Variants in SYCP2 observed in about 807,000 individuals in gnomAD.
SYCP2 encodes the protein synaptonemal complex protein 2.
Under a neutral mutation model 211.3 loss-of-function variants are expected in SYCP2, and 55 were observed. The observed-to-expected ratio is 0.26, with a 90% CI of 0.21 to 0.33. The LOEUF (loss-of-function observed/expected upper bound fraction) is 0.33, where lower values mean the gene tolerates loss of function less well. Ranked by LOEUF, SYCP2 falls within the 10% of genes least tolerant of loss-of-function variation. The pLI is 1.00. For synonymous variants in SYCP2, 570 were observed against 555.2 expected (o/e 1.03, Z -0.37); for missense variants, 1,731 against 1,752.0 (o/e 0.99, Z 0.21).
intron 5 of SYCP2, 152 bp from the exon 6 acceptor site, chr20:59,919,749 C>G (rs2145871562): frequency 2.0e-6 from 1 of 494,702 alleles, no homozygotes; most frequent in East Asian, 3.5e-5. Flanking sequence ...TTTTAAAGAT[C>G]TTCCTTGTTT....
At position 59,921,468 on chromosome 20, in the gene SYCP2, T is replaced by A. The variant is rs762582104; in HGVS notation, c.25-15A>T. On this transcript the variant is annotated splice_polypyrimidine_tract_variant and intron_variant, in intron 3 of 44. Coordinates refer to ENST00000357552, the MANE Select transcript of SYCP2 (RefSeq NM_014258.4). Reference sequence around the variant, plus strand: ...TTTTCCAACTGCTAGAGAAATATATTTAATGGCACATACTGTATCAAAACC... The same window carrying A: ...TTTTCCAACTGCTAGAGAAATATATATAATGGCACATACTGTATCAAAACC... The A allele has an allele frequency of 2.5e-6, 4 of 1,589,226 alleles. No homozygotes were observed. The Admixed American group carries it at 7.0e-5, about 28-fold the overall frequency.
At chr20:59,864,519 T>C (rs2145571927) in intron 44 of SYCP2, 131 bp from the exon 45 acceptor site, 2 of 628,898 alleles carry the variant, frequency 3.2e-6, no homozygotes, top group Non-Finnish European at 5.6e-6. Flanking sequence ...CATGAAGATA[T>C]TGCATTCTAA....
chr20:59,890,863 A>G (rs898326528), intron 24 of SYCP2, among the ~76,000 whole-genome samples: 2 of 151,968 alleles, frequency 1.3e-5, no homozygotes, highest in African/African-American at 2.4e-5. Flanking sequence ...GTTCGGACAA[A>G]AAGAACCTTA....
intron 15 of SYCP2, among the ~76,000 whole-genome samples, chr20:59,904,430 C>T (rs1453357833): frequency 3.3e-5 from 5 of 152,050 alleles, no homozygotes; most frequent in South Asian, 2.1e-4. Flanking sequence ...GATGGCCACA[C>T]CTGAGTAATA....
At chr20:59,876,751 A>G (rs2059568543) in intron 33 of SYCP2, among the ~76,000 whole-genome samples, 1 of 152,082 alleles carries the variant, frequency 6.6e-6, no homozygotes, top group Non-Finnish European at 1.5e-5. Flanking sequence ...CATTGTAAGC[A>G]CTACATATAT....
In SYCP2 at chr20:59,892,459, AAATT is replaced by A; in HGVS notation, c.1928-37_1928-34del. The A allele has an allele frequency of 4.1e-6, 6 of 1,454,370 alleles. 1 individual carries two copies. The highest frequency in any genetic ancestry group is 2.7e-5 in the South Asian group (2 of 73,528). The allele number at this position is 1,454,370 out of a possible 1,614,324, so 90.1% of individuals were successfully genotyped here. ...GGAAAATGAGAAATTAATTCTTTTT[AAATT>A]AATAAGTTGACATATGTAAAATTTG... On this transcript the variant is annotated intron_variant, in intron 23 of 44. Transcript: ENST00000357552.
rs1461780112 is a variant in SYCP2, at chr20:59,910,372, TTA to T, written c.972+1376_972+1377del. On this transcript the variant is annotated intron_variant, in intron 14 of 44. Coordinates refer to ENST00000357552, the MANE Select transcript of SYCP2 (RefSeq NM_014258.4). ...ATGTATACTGCTATAGTGTAATTGC[TTA>T]TTTTTTTTTTTTTTTTTTTTTTTTT... 8.5e-3 allele frequency among the ~76,000 whole-genome samples: 1,123 copies of T among 132,448 alleles called. 25 individuals are homozygous for T. The highest frequency in any genetic ancestry group is 0.013 in the Non-Finnish European group (850 of 63,646). The allele number at this position is 132,448 out of a possible 152,430, so 86.9% of individuals were successfully genotyped here.
intron 26 of SYCP2, among the ~76,000 whole-genome samples, chr20:59,883,868 A>T (rs894596548): frequency 1.3e-5 from 2 of 152,004 alleles, no homozygotes; most frequent in Non-Finnish European, 2.9e-5. Context: ...GCACCAACCT[A>T]TTATATTTGG....
intron 7 of SYCP2, among the ~76,000 whole-genome samples, chr20:59,917,483 A>ATACAATTATT (rs1464272984): frequency 6.6e-6 from 1 of 151,980 alleles, no homozygotes; most frequent in African/African-American, 2.4e-5. Flanking sequence ...AGATGAAAAG[A>ATACAATTATT]TACAATTATT....
In SYCP2 at chr20:59,900,073, C is replaced by G; in HGVS notation, c.1404+65G>C. ...TAAATTCTAGATGCTTCTTTCAGTA[C>G]TCATATATAACAGTGATTTGATCAA... On this transcript the variant is annotated intron_variant, in intron 18 of 44. Transcript: ENST00000357552. 3 of 1,491,450 alleles carry G rather than the reference C, an allele frequency of 2.0e-6. No homozygotes were observed. In the South Asian group the frequency reaches 3.4e-5, roughly 17 times the overall value. The allele number at this position is 1,491,450 out of a possible 1,614,324, so 92.4% of individuals were successfully genotyped here.
At chr20:59,890,516 C>A (rs1010277776) in intron 24 of SYCP2, among the ~76,000 whole-genome samples, 2 of 151,688 alleles carry the variant, frequency 1.3e-5, no homozygotes, top group African/African-American at 4.8e-5. Context: ...ACTGCACGTT[C>A]TGCACATGTA....
rs934302568 is a variant in SYCP2, at chr20:59,895,717, T to G, written c.1505-120A>C. On this transcript the variant is annotated intron_variant, in intron 19 of 44. Coordinates refer to ENST00000357552, the MANE Select transcript of SYCP2 (RefSeq NM_014258.4). Reference sequence around the variant, plus strand: ...CTTAGATGGTTCCCAGGTTTCTGGCTTAGATAATTAAGTGAATATAGATGC... The same window carrying G: ...CTTAGATGGTTCCCAGGTTTCTGGCGTAGATAATTAAGTGAATATAGATGC... 1.4e-5 allele frequency: 16 copies of G among 1,182,120 alleles called. No homozygotes were observed. In the African/African-American group the frequency reaches 2.5e-4, roughly 19 times the overall value. The allele number at this position is 1,182,120 out of a possible 1,614,324, so 73.2% of individuals were successfully genotyped here.
intron 5 of SYCP2, among the ~76,000 whole-genome samples, 160 bp downstream of exon 5, chr20:59,920,199 A>T (rs749603706): frequency 4.0e-5 from 6 of 151,808 alleles, no homozygotes; most frequent in Non-Finnish European, 5.9e-5. Flanking sequence ...TGTGATCTTT[A>T]TATTTGTAAC....
chr20:59,872,621 AG>A (rs540026898), intron 35 of SYCP2, among the ~76,000 whole-genome samples: 91 of 151,448 alleles, frequency 6.0e-4, no homozygotes, highest in Middle Eastern at 3.4e-3. Flanking sequence ...CCTCCATTTC[AG>A]GCATCTATTG....
intron 30 of SYCP2, among the ~76,000 whole-genome samples, 180 bp from the exon 31 acceptor site, chr20:59,880,651 CTT>C (rs2059660484): frequency 6.6e-6 from 1 of 151,644 alleles, no homozygotes; most frequent in Admixed American, 6.6e-5. Flanking sequence ...AAGAAAGTCA[CTT>C]GGAAAACCAG....
intron 2 of SYCP2, among the ~76,000 whole-genome samples, chr20:59,930,438 C>A (rs919330521): frequency 1.3e-5 from 2 of 152,164 alleles, no homozygotes; most frequent in African/African-American, 4.8e-5. Flanking sequence ...CCCTGCAAAG[C>A]AAGAACACAG....
chr20:59,920,616 T>C (rs1448793411), intron 4 of SYCP2, 129 bp from the exon 5 acceptor site: 20 of 745,754 alleles, frequency 2.7e-5, no homozygotes, highest in Admixed American at 1.3e-4. Flanking sequence ...TAATCATCTC[T>C]ATATTGCAAC....
At chr20:59,882,659 A>C (rs1209541449) in intron 26 of SYCP2, among the ~76,000 whole-genome samples, 4 of 152,152 alleles carry the variant, frequency 2.6e-5, no homozygotes, top group African/African-American at 7.2e-5. Context: ...GGCCAAAGTA[A>C]AGTGAAATAA....
chr20:59,876,671 C>G (rs1390799131), intron 33 of SYCP2, among the ~76,000 whole-genome samples: 1 of 151,810 alleles, frequency 6.6e-6, no homozygotes, highest in African/African-American at 2.4e-5. Flanking sequence ...ACTAATAGTA[C>G]TAATTACCTA....
Sources: allele counts gnomAD v4.1 joint callset (sites outside exome capture counted in the v4.1 genomes callset), GRCh38; gene constraint gnomAD v4.1.1; transcripts MANE v1.5; gene names NCBI Gene and HGNC (gene_info 2026-07-23, HGNC 2026-07-21).